The following RFX1 variants were observed in gnomAD, a reference collection of about 807,000 sequenced individuals.
The protein encoded by RFX1 is MHC class II regulatory factor RFX1.
A neutral mutation model predicts 119.6 loss-of-function variants in RFX1; 42 were observed. That is an observed-to-expected ratio of 0.35 (90% confidence interval 0.27 to 0.45). The LOEUF (loss-of-function observed/expected upper bound fraction) is 0.45, where lower values mean the gene tolerates loss of function less well. RFX1 is among the 20% of genes least tolerant of loss of function. The probability of loss-of-function intolerance (pLI) is 1.00; values close to 1 mark genes in which losing one functional copy is unlikely to be tolerated. For synonymous variants in RFX1, 628 were observed against 618.5 expected, an observed-to-expected ratio of 1.02 and a Z score of -0.23; for missense variants, 1,118 against 1,368.1, an observed-to-expected ratio of 0.82 and a Z score of 2.88.
chr19:13,962,893 GGGCGGGGT>G, intron 20 of RFX1, 29 bp from the exon 21 acceptor site: 1 of 1,536,846 alleles, frequency 6.5e-7, no homozygotes, highest in Non-Finnish European at 8.8e-7. Flanking sequence ...GTCCGGCTCG[GGGCGGGGT>G]GGCAACGCCC....
chr19:13,978,705 G>A, intron 7 of RFX1, among the ~76,000 whole-genome samples: 1 of 151,944 alleles, frequency 6.6e-6, no homozygotes, highest in South Asian at 2.1e-4. Flanking sequence ...GGGCGCCCCC[G>A]CCCCCGCCCG....
intron 2 of RFX1, among the ~76,000 whole-genome samples, chr19:13,993,040 C>T (rs571805925): frequency 3.3e-5 from 5 of 151,964 alleles, no homozygotes; most frequent in Admixed American, 6.6e-5. Context: ...CTCAGGAGAC[C>T]GAGGTGGGAG....
rs761840229 is a variant in RFX1, at chr19:13,972,889, C to T, written c.1168G>A (p.Gly390Ser). The part of the protein sequence containing the change: ...SGGGGSGGGG[G>S]GGGGGGGGGS... ...CCCCCGCCACCGCCTCCCCCGCCGC[C>T]GCCGCCACCACCACTGCCACCACCT... The change falls in exon 9 of 21, where the codon GGC (glycine) becomes AGC (serine). Residue 390 changes from glycine to serine, a missense_variant. By Grantham distance (56) the Gly-to-Ser change is moderately conservative (BLOSUM62 0). Coordinates refer to ENST00000254325, the MANE Select transcript of RFX1 (RefSeq NM_002918.5). The T allele has an allele frequency of 4.9e-5, 77 of 1,572,114 alleles. No homozygotes were observed. Among genetic ancestry groups the T allele is most frequent in the East Asian group, 4.4e-4 (19 of 42,814 alleles).
intron 17 of RFX1, 25 bp from the exon 18 acceptor site, chr19:13,963,771 G>C (rs759122566): frequency 1.3e-6 from 2 of 1,522,680 alleles, no homozygotes; most frequent in African/African-American, 1.4e-5. Flanking sequence ...GTGGGCGGGC[G>C]CCCGGGGCTC....
intron 2 of RFX1, among the ~76,000 whole-genome samples, chr19:13,989,641 G>A (rs1287576022): frequency 2.0e-5 from 3 of 152,132 alleles, no homozygotes. Flanking sequence ...GTCAGGTATC[G>A]GGGGAGGGGA....
rs61735284 is a variant in RFX1, at chr19:13,982,195, C to T, written c.547G>A (p.Ala183Thr). Residue 183 changes from alanine to threonine, a missense_variant, in exon 5 of 21, where the codon GCA (alanine) becomes ACA (threonine). By Grantham distance (58) the Ala-to-Thr change is moderately conservative. This residue lies in a region of RFX1 where 542 missense variants were observed against 602.7 expected (regional missense o/e 0.90). Coordinates refer to ENST00000254325, the MANE Select transcript of RFX1 (RefSeq NM_002918.5). The stretch of plus-strand genomic sequence containing the variant: ...TGGCCACCTTTGCTGCCTGGGGCTG[C>T]GCTCTGCACCACCAGACGCTGCGTG... ...LPTQRLVVQS[A>T]APGSKGGQVS... 975 of 1,311,452 alleles carry T rather than the reference C, an allele frequency of 7.4e-4. 8 individuals carry two copies. The African/African-American group carries it at 0.013, about 18-fold the overall frequency. 81.2% of individuals were successfully genotyped at this position (1,311,452 alleles called of 1,614,324 possible).
Position 13,968,443 on chromosome 19 carries a change from T to C in RFX1, c.1732+122A>G. On this transcript the variant is annotated intron_variant, in intron 12 of 20. Transcript: ENST00000254325. The surrounding 1 kb of genome is among the most constrained non-coding windows in gnomAD (Gnocchi z 5.5). Reference sequence around the variant, plus strand: ...TGTCTCCCCCACCCCCTGCTGGTTCTCGGGCATCTCTCACCAAGCCCTCCC... The same window carrying C: ...TGTCTCCCCCACCCCCTGCTGGTTCCCGGGCATCTCTCACCAAGCCCTCCC... 1 of 752,504 alleles carries C rather than the reference T, an allele frequency of 1.3e-6. No homozygotes were observed. The highest frequency in any genetic ancestry group is 2.3e-6 in the Non-Finnish European group (1 of 426,712). The allele number at this position is 752,504 out of a possible 1,614,324, so 46.6% of individuals were successfully genotyped here.
Position 13,979,496 on chromosome 19 carries a change from ACCGG to A in RFX1, c.781_784del (p.Pro261CysfsTer4). 1 of 1,603,274 alleles carries A rather than the reference ACCGG, an allele frequency of 6.2e-7. No individual in the cohort carries two copies. ...GAGGCCCTGCACGGTCAGCGGCTGC[ACCGG>A]GCCGGGTTTGGGCGCTTGTGGAGTG... On this transcript the variant is annotated frameshift_variant, in exon 7 of 21. Transcript: ENST00000254325. LOFTEE classifies it high-confidence loss of function.
rs1973974274 is a variant in RFX1 at position 13,968,517 on chromosome 19, G to A, written c.1732+48C>T. ...ATCCAGCTTTGGGAACCGTCTGCAC[G>A]GGGCAGGGAGGCGGTGGTTGGGGAA... On this transcript the variant is annotated intron_variant, in intron 12 of 20. Coordinates refer to ENST00000254325, the MANE Select transcript of RFX1 (RefSeq NM_002918.5). The surrounding 1 kb of genome is among the most constrained non-coding windows in gnomAD (Gnocchi z 5.5). The A allele has an allele frequency of 2.7e-6, 4 of 1,467,952 alleles. No individual in the cohort carries two copies. Among genetic ancestry groups the A allele is most frequent in the Admixed American group, 1.7e-5 (1 of 59,626 alleles). 90.9% of individuals were successfully genotyped at this position (1,467,952 alleles called of 1,614,324 possible).
intron 1 of RFX1, among the ~76,000 whole-genome samples, chr19:13,995,511 G>A (rs374343766): frequency 2.6e-5 from 4 of 152,168 alleles, no homozygotes; most frequent in African/African-American, 7.2e-5. Flanking sequence ...CTGGGAGCAG[G>A]CCCAGGCTGC....
chr19:13,986,572 G>C lies in RFX1; in HGVS notation c.320-2977C>G, dbSNP rs1023193398. Among the ~76,000 whole-genome samples, 2 of 152,186 alleles carry C rather than the reference G, an allele frequency of 1.3e-5. No individual in the cohort carries two copies. Among genetic ancestry groups the C allele is most frequent in the East Asian group, 1.9e-4 (1 of 5,184 alleles). ...GAGGAGAAGCCAGGAGGGGAAGTGG[G>C]GGGTGGCACTGAGTCTGCGAGCGAG... On this transcript the variant is annotated intron_variant, in intron 2 of 20. Transcript: ENST00000254325. This position sits in a 1 kb window ranked among gnomAD's most constrained non-coding sequence, Gnocchi z 4.2.
chr19:13,965,750 G>A lies in RFX1; in HGVS notation c.1989C>T (p.Pro663=). The stretch of plus-strand genomic sequence containing the variant: ...TGGAGAGGAGCACCAGGATGGCTTT[G>A]GGCAGTCGCTTCTCGGCCTCGTCAT... The part of the protein sequence containing the change: ...AVHDEAEKRL[P]KAILVLLSKF... Residue 663 remains proline (P), a synonymous_variant, in exon 15 of 21, where the codon CCC becomes CCT. Coordinates refer to ENST00000254325, the MANE Select transcript of RFX1 (RefSeq NM_002918.5). This position sits in a 1 kb window ranked among gnomAD's most constrained non-coding sequence, Gnocchi z 4.7. 1 of 1,613,852 alleles carries A rather than the reference G, an allele frequency of 6.2e-7. No individual in the cohort carries two copies. The highest frequency in any genetic ancestry group is 8.5e-7 in the Non-Finnish European group (1 of 1,179,970).
At chr19:13,978,231 C>G (rs1215929350) in intron 7 of RFX1, 145 bp from the exon 8 acceptor site, 2 of 583,044 alleles carry the variant, frequency 3.4e-6, no homozygotes, top group Non-Finnish European at 6.1e-6. Flanking sequence ...ACAAAACACC[C>G]TGGAGGAGGC....
At chr19:13,977,594 T>G (rs1974288059) in intron 8 of RFX1, among the ~76,000 whole-genome samples, 1 of 152,004 alleles carries the variant, frequency 6.6e-6, no homozygotes, top group Non-Finnish European at 1.5e-5. Context: ...CTTTTGTATT[T>G]TTAGTAGAGA....
rs772061692 is a variant in RFX1 at position 13,965,508 on chromosome 19, G to A, written c.2152C>T (p.Leu718=). Residue 718 remains leucine, a synonymous_variant, in exon 16 of 21, where the codon CTG becomes TTG. Transcript: ENST00000254325. This position sits in a 1 kb window ranked among gnomAD's most constrained non-coding sequence, Gnocchi z 4.7. ...TQAIRNFAKS[L]ESWLTHAMVN... ...ATGGCGTGGGTGAGCCAGCTCTCCA[G>A]GCTCTTGGCAAAGTTCCGGATCGCT... 5 of 1,613,908 alleles carry A rather than the reference G, an allele frequency of 3.1e-6. No homozygotes were observed. In the Admixed American group the frequency reaches 8.3e-5, roughly 27 times the overall value.
chr19:13,963,404 C>G lies in RFX1; in HGVS notation c.2571-129G>C, dbSNP rs1973781707. 8 of 1,432,270 alleles carry G rather than the reference C, an allele frequency of 5.6e-6. No individual in the cohort carries two copies. In the Admixed American group the frequency reaches 6.2e-5, roughly 11 times the overall value. The allele number at this position is 1,432,270 out of a possible 1,614,324, so 88.7% of individuals were successfully genotyped here. ...CAGGCTGGATCCCGCACAGCCTTCC[C>G]GGCACATGAGCCCAGGGCCCCAGCC... On this transcript the variant is annotated intron_variant, in intron 18 of 20. Transcript: ENST00000254325.
intron 8 of RFX1, among the ~76,000 whole-genome samples, chr19:13,974,300 C>T (rs1204151333): frequency 2.0e-5 from 3 of 152,176 alleles, no homozygotes; most frequent in African/African-American, 2.4e-5. Context: ...AGATATGTTT[C>T]CCCTGAGCCA....
chr19:13,976,950 C>G (rs535019471), intron 8 of RFX1, among the ~76,000 whole-genome samples: 1 of 151,540 alleles, frequency 6.6e-6, no homozygotes, highest in Non-Finnish European at 1.5e-5. Context: ...GAGCCCTGAT[C>G]GCGCCACTGC....
chr19:13,963,773 C>G (rs1303089056), intron 17 of RFX1, 27 bp from the exon 18 acceptor site: 1 of 1,519,966 alleles, frequency 6.6e-7, no homozygotes, highest in African/African-American at 1.4e-5. Flanking sequence ...GGGCGGGCGC[C>G]CGGGGCTCAG....
Sources: gnomAD v4.1 joint callset for allele counts (sites outside exome capture counted in the v4.1 genomes callset) on GRCh38, gnomAD v4.1.1 for gene constraint, gnomAD v4.1.1 regional missense constraint, Gnocchi (gnomAD v3.1) non-coding constraint, MANE v1.5 for transcripts, NCBI Gene and HGNC (gene_info 2026-07-23, HGNC 2026-07-21) for gene names.